STK10: variants seen among roughly 807,000 people sequenced by gnomAD.
STK10 encodes the protein serine/threonine-protein kinase 10.
A neutral mutation model predicts 113.8 loss-of-function variants in STK10; 78 were observed. The ratio of observed to expected loss-of-function variants is 0.69; its 90% CI spans 0.57 to 0.83. The LOEUF (loss-of-function observed/expected upper bound fraction) is 0.83, where lower values mean the gene tolerates loss of function less well. STK10 is among the 40% of genes least tolerant of loss of function. The pLI, the probability that STK10 is intolerant of heterozygous loss-of-function variation, is 0.00. For synonymous variants in STK10, 465 were observed against 494.7 expected (o/e 0.94, Z 0.80); for missense variants, 1,109 against 1,280.1 (o/e 0.87, Z 2.04).
intron 6 of STK10, among the ~76,000 whole-genome samples, 156 bp downstream of exon 6, chr5:172,106,464 G>C (rs71607594): frequency 7.0e-6 from 1 of 142,578 alleles, no homozygotes; most frequent in Admixed American, 7.2e-5. Context: ...GGGGGGCTCA[G>C]AAACGCCTGA....
At chr5:172,170,066 A>T (rs1172118865) in intron 1 of STK10, among the ~76,000 whole-genome samples, 6 of 142,786 alleles carry the variant, frequency 4.2e-5, no homozygotes, top group Non-Finnish European at 7.6e-5. Context: ...AAACATGTTT[A>T]TTTTGTTCAC....
intron 12 of STK10, among the ~76,000 whole-genome samples, chr5:172,072,402 G>A (rs577582858): frequency 6.6e-6 from 1 of 152,148 alleles, no homozygotes; most frequent in African/African-American, 2.4e-5. Flanking sequence ...GAGTAGCTGG[G>A]ACTACAGGCG....
chr5:172,045,442 C>T (rs1767476929), intron 18 of STK10: 15 of 457,124 alleles, frequency 3.3e-5, no homozygotes, highest in South Asian at 2.2e-4. Context: ...TGAGATTGCG[C>T]CACTGCACTC....
chr5:172,102,154 C>G (rs940004716), intron 7 of STK10, among the ~76,000 whole-genome samples: 1 of 152,026 alleles, frequency 6.6e-6, no homozygotes, highest in Admixed American at 6.6e-5. Context: ...AGCGAGGAGG[C>G]AGCAGCCCGA....
chr5:172,156,667 A>C lies in STK10; in HGVS notation c.278T>G (p.Ile93Ser). The C allele has an allele frequency of 6.2e-7, 1 of 1,614,124 alleles. No homozygotes were observed. Among genetic ancestry groups the C allele is most frequent in the Non-Finnish European group, 8.5e-7 (1 of 1,180,004 alleles). ...ATAGTAGGCTCCCAGGAGCTTCACA[A>C]TGTAGGGGTGGTCGCAGGTGGCCAG... is the stretch of plus-strand genomic sequence containing the variant. Reference protein sequence around the residue: ...EILATCDHPYIVKLLGAYYHD... With the variant: ...EILATCDHPYSVKLLGAYYHD... Residue 93 changes from isoleucine (I) to serine (S), a missense_variant, in exon 2 of 19, where the codon ATT becomes AGT. Physicochemically the swap from Ile to Ser is moderately radical, Grantham distance 142. Coordinates refer to ENST00000176763, the MANE Select transcript of STK10 (RefSeq NM_005990.4).
At chr5:172,132,886 G>A (rs1403592067) in intron 2 of STK10, among the ~76,000 whole-genome samples, 1 of 152,176 alleles carries the variant, frequency 6.6e-6, no homozygotes, top group Non-Finnish European at 1.5e-5. Flanking sequence ...ATAGAAATGA[G>A]TGGTGCAGGC....
intron 2 of STK10, 127 bp downstream of exon 2, chr5:172,156,497 A>G: frequency 1.6e-6 from 2 of 1,259,066 alleles, no homozygotes; most frequent in East Asian, 2.5e-5. Flanking sequence ...CTACTTCACC[A>G]TCTCCTTGCC....
Position 172,140,031 on chromosome 5 carries a change from T to C in STK10, c.322-12610A>G, listed in dbSNP as rs555418712. ...AATGGGGAGAAATATTTGCAAACCA[T>C]ATATTTAACAGGGGTTAATCTCCAA... On this transcript the variant is annotated intron_variant, in intron 2 of 18. Coordinates refer to ENST00000176763, the MANE Select transcript of STK10 (RefSeq NM_005990.4). 4.6e-5 allele frequency among the ~76,000 whole-genome samples: 7 copies of C among 151,618 alleles called. 1 individual carries two copies. The highest frequency in any genetic ancestry group is 1.7e-4 in the African/African-American group (7 of 41,314).
chr5:172,109,861 A>G (rs1410329965), intron 4 of STK10, among the ~76,000 whole-genome samples: 1 of 152,222 alleles, frequency 6.6e-6, no homozygotes, highest in Non-Finnish European at 1.5e-5. Context: ...CCTTTGGACG[A>G]TTCATCCCAA....
chr5:172,110,829 T>C (rs1769223210), intron 4 of STK10, among the ~76,000 whole-genome samples: 1 of 152,104 alleles, frequency 6.6e-6, no homozygotes. Context: ...GGTCCACTCG[T>C]GGCAAAAGCG....
In STK10 at chr5:172,093,871, C is replaced by T. The variant is rs1466535745; in HGVS notation, c.1095G>A (p.Pro365=). ...DKPLEESPST[P]LAPSQSQDSV... is the part of the protein sequence containing the mutation. ...TGTCCTGAGACTGGCTGGGTGCCAG[C>T]GGGGTGGAAGGTGACTCCTCGAGAG... The change falls in exon 9 of 19, where the codon CCG becomes CCA. Residue 365 remains proline (P), a synonymous_variant. Transcript: ENST00000176763. This position sits in a 1 kb window ranked among gnomAD's most constrained non-coding sequence, Gnocchi z 4.1. 1.7e-5 allele frequency: 26 copies of T among 1,573,072 alleles called. No individual in the cohort carries two copies. Among genetic ancestry groups the T allele is most frequent in the Middle Eastern group, 1.7e-4 (1 of 5,900 alleles).
intron 1 of STK10, among the ~76,000 whole-genome samples, chr5:172,158,292 A>G (rs1435752377): frequency 6.6e-6 from 1 of 151,948 alleles, no homozygotes; most frequent in Non-Finnish European, 1.5e-5. Flanking sequence ...CAAAAAAAAA[A>G]GCTCAAAGCA....
chr5:172,063,907 C>T (rs568031878), intron 13 of STK10, among the ~76,000 whole-genome samples: 1 of 152,228 alleles, frequency 6.6e-6, no homozygotes, highest in South Asian at 2.1e-4. Flanking sequence ...ACACAAAGAC[C>T]CCCTCGTGGG....
At position 172,126,088 on chromosome 5, in the gene STK10, A is replaced by G. The variant is rs979300372; in HGVS notation, c.370+1285T>C. On this transcript the variant is annotated intron_variant, in intron 3 of 18. Coordinates refer to ENST00000176763, the MANE Select transcript of STK10 (RefSeq NM_005990.4). ...CTCTCCTCTTCTGGGCCATCCCAGA[A>G]TCCTGGACATGTCACTCAACCTTCC... Among the ~76,000 whole-genome samples the G allele has an allele frequency of 4.6e-5, 7 of 152,158 alleles. No individual in the cohort carries two copies. The East Asian group carries it at 7.7e-4, about 17-fold the overall frequency.
chr5:172,121,549 G>A (rs1194638149), intron 3 of STK10, among the ~76,000 whole-genome samples: 1 of 151,640 alleles, frequency 6.6e-6, no homozygotes, highest in African/African-American at 2.4e-5. Context: ...GCTCACGCCT[G>A]TAATCCCAGC....
intron 15 of STK10, chr5:172,056,995 G>GAAAGAAAGAAAGAAAGAAAGAA (rs1157626941): frequency 1.4e-5 from 1 of 69,684 alleles, no homozygotes; most frequent in African/African-American, 6.1e-5. Context: ...AAGAAAGAAA[G>GAAAGAAAGAAAGAAAGAAAGAA]AGAAAGAAGG....
intron 12 of STK10, among the ~76,000 whole-genome samples, chr5:172,073,461 A>G (rs1768241039): frequency 6.8e-6 from 1 of 147,136 alleles, no homozygotes. Context: ...CTAATTTTTA[A>G]TTTTTTTTTT....
rs562279140 is a variant in STK10, at chr5:172,044,996, C to A, written c.2793G>T (p.Lys931Asn). 9 of 1,614,198 alleles carry A rather than the reference C, an allele frequency of 5.6e-6. No individual in the cohort carries two copies. The highest frequency in any genetic ancestry group is 1.6e-4 in the Middle Eastern group (1 of 6,062). Reference protein sequence around the residue: ...KKALEEDLNQKKREQEMFFKL... With the variant: ...KKALEEDLNQNKREQEMFFKL... ...TGAAGAACATCTCCTGCTCCCGCTT[C>A]TTCTGGTTCAGATCCTCTTCCAGAG... The change falls in exon 19 of 19, where the codon AAG (lysine) becomes AAT (asparagine). Residue 931 changes from lysine to asparagine, a missense_variant. Coordinates refer to ENST00000176763, the MANE Select transcript of STK10 (RefSeq NM_005990.4). The surrounding 1 kb of genome is among the most constrained non-coding windows in gnomAD (Gnocchi z 4.5).
At chr5:172,047,899 GTT>G (rs11438537) in intron 18 of STK10, among the ~76,000 whole-genome samples, 8 of 109,790 alleles carry the variant, frequency 7.3e-5, no homozygotes, top group African/African-American at 1.2e-4. Flanking sequence ...TGTTTTTTGG[GTT>G]TTTTTTTTTT....
Sources: gnomAD v4.1 joint callset for allele counts (sites outside exome capture counted in the v4.1 genomes callset) on GRCh38, gnomAD v4.1.1 for gene constraint, Gnocchi (gnomAD v3.1) non-coding constraint, MANE v1.5 for transcripts, NCBI Gene and HGNC (gene_info 2026-07-23, HGNC 2026-07-21) for gene names.